The following DYNC2H1 variants were observed in gnomAD, a reference collection of about 807,000 sequenced individuals.
DYNC2H1 encodes dynein cytoplasmic 2 heavy chain 1.
Under a neutral mutation model 570.0 loss-of-function variants are expected in DYNC2H1, and 410 were observed. The ratio of observed to expected loss-of-function variants is 0.72; its 90% CI spans 0.66 to 0.78. DYNC2H1 has a LOEUF of 0.78. Ranked by LOEUF, DYNC2H1 falls within the 30% of genes least tolerant of loss-of-function variation. DYNC2H1 has a pLI of 0.00. For synonymous variants in DYNC2H1, 1,688 were observed against 1,677.6 expected (o/e 1.01, Z -0.15); for missense variants, 4,865 against 5,046.4 (o/e 0.96, Z 1.09).
intron 81 of DYNC2H1, among the ~76,000 whole-genome samples, chr11:103,322,359 C>A (rs313396): frequency 0.29 from 44,197 of 151,976 alleles, 7,425 homozygotes; most frequent in Non-Finnish European, 0.37. Flanking sequence ...TGTATACATC[C>A]TAAGTGCACA....
At chr11:103,396,035 A>G (rs1942384519) in intron 83 of DYNC2H1, among the ~76,000 whole-genome samples, 1 of 152,070 alleles carries the variant, frequency 6.6e-6, no homozygotes, top group South Asian at 2.1e-4. Context: ...TGTTATCTTT[A>G]TCTTCCTTAT....
intron 83 of DYNC2H1, among the ~76,000 whole-genome samples, chr11:103,387,093 T>G (rs1416257965): frequency 6.6e-6 from 1 of 152,152 alleles, no homozygotes; most frequent in Non-Finnish European, 1.5e-5. Context: ...TCCACAATGG[T>G]TGAACTAGTT....
chr11:103,247,153 A>T (rs148391596), intron 65 of DYNC2H1, among the ~76,000 whole-genome samples: 2 of 152,006 alleles, frequency 1.3e-5, no homozygotes, highest in African/African-American at 4.8e-5. Flanking sequence ...GTTGGCTAAT[A>T]GTTTTACATT....
intron 59 of DYNC2H1, among the ~76,000 whole-genome samples, chr11:103,230,264 G>T (rs191029130): frequency 6.6e-6 from 1 of 152,158 alleles, no homozygotes; most frequent in Non-Finnish European, 1.5e-5. Flanking sequence ...GTTATTAATC[G>T]TGAGTTTTAG....
intron 70 of DYNC2H1, among the ~76,000 whole-genome samples, chr11:103,279,276 T>C (rs1358887769): frequency 1.3e-5 from 2 of 152,216 alleles, no homozygotes; most frequent in Non-Finnish European, 1.5e-5. Context: ...CTTGTGGCTC[T>C]TATTTAATTT....
At chr11:103,457,375 A>G (rs1255797941) in intron 87 of DYNC2H1, among the ~76,000 whole-genome samples, 4 of 152,146 alleles carry the variant, frequency 2.6e-5, no homozygotes, top group African/African-American at 7.2e-5. Context: ...TTGTAACCAT[A>G]GGAGATGACA....
intron 83 of DYNC2H1, among the ~76,000 whole-genome samples, chr11:103,399,366 G>T (rs190951731): frequency 6.9e-6 from 1 of 144,862 alleles, no homozygotes; most frequent in Admixed American, 7.1e-5. Context: ...GTGTTGGCCA[G>T]ACTGGTCTCA....
At chr11:103,247,280 A>G (rs1436628546) in intron 65 of DYNC2H1, among the ~76,000 whole-genome samples, 1 of 152,056 alleles carries the variant, frequency 6.6e-6, no homozygotes, top group Non-Finnish European at 1.5e-5. Context: ...GATGACAGCT[A>G]AACATTTGTG....
intron 87 of DYNC2H1, among the ~76,000 whole-genome samples, chr11:103,458,468 T>A (rs1220962089): frequency 6.6e-6 from 1 of 152,004 alleles, no homozygotes; most frequent in African/African-American, 2.4e-5. Flanking sequence ...CAAAAAAAAA[T>A]TCAAAATCAA....
At chr11:103,441,797 T>C (rs1944279401) in intron 85 of DYNC2H1, among the ~76,000 whole-genome samples, 1 of 152,182 alleles carries the variant, frequency 6.6e-6, no homozygotes, top group African/African-American at 2.4e-5. Context: ...GTGTTTTATT[T>C]TTCTTAAGAT....
rs545252449 is a variant in DYNC2H1, at chr11:103,197,842, T to C, written c.7709-91T>C. The stretch of plus-strand genomic sequence containing the variant: ...TCTGGAGATGATCTTATTTGGATTA[T>C]TAACTTAAAAATGTTTTAGTAGGCA... On this transcript the variant is annotated intron_variant, in intron 47 of 88. Transcript: ENST00000375735. 41 of 1,372,068 alleles carry C rather than the reference T, an allele frequency of 3.0e-5. No individual in the cohort carries two copies. The African/African-American group carries it at 5.8e-4, about 20-fold the overall frequency. 85.0% of individuals were successfully genotyped at this position (1,372,068 alleles called of 1,614,324 possible). A position where few individuals can be genotyped will look rare whatever the true frequency, so the allele number is the denominator to read the frequency against.
chr11:103,220,444 G>A (rs944615672), intron 56 of DYNC2H1, among the ~76,000 whole-genome samples, 179 bp from the exon 57 acceptor site: 5 of 152,146 alleles, frequency 3.3e-5, no homozygotes, highest in Non-Finnish European at 5.9e-5. Context: ...ACGTCTTACT[G>A]TCTCAAGTTG....
At chr11:103,413,552 T>G (rs1470629675) in intron 84 of DYNC2H1, among the ~76,000 whole-genome samples, 1 of 152,156 alleles carries the variant, frequency 6.6e-6, no homozygotes, top group East Asian at 1.9e-4. Context: ...AGATCAGAGT[T>G]CTTTCCACCT....
At chr11:103,182,469 A>T (rs1296855938) in intron 40 of DYNC2H1, among the ~76,000 whole-genome samples, 1 of 151,842 alleles carries the variant, frequency 6.6e-6, no homozygotes, top group Admixed American at 6.6e-5. Flanking sequence ...ATAATACAAG[A>T]GAGACTTTGA....
chr11:103,153,277 A>G (rs1860654848), intron 21 of DYNC2H1, 26 bp from the exon 22 acceptor site: 1 of 1,501,942 alleles, frequency 6.7e-7, no homozygotes, highest in South Asian at 1.4e-5. Flanking sequence ...TCTGCATTAA[A>G]TTATTTAAAT....
rs1858486966 is a variant in DYNC2H1 at position 103,117,743 on chromosome 11, G to A, written c.879G>A (p.Gln293=). 1 of 1,613,434 alleles carries A rather than the reference G, an allele frequency of 6.2e-7. No homozygotes were observed. The highest frequency in any genetic ancestry group is 8.5e-7 in the Non-Finnish European group (1 of 1,179,608). ...SLKAGISICE[Q]WVIVCNHLTG... Reference sequence around the variant, plus strand: ...AAGCTGGTATTTCAATTTGTGAACAGTGGGTGATAGTCTGTAATCATCTAA... The same window carrying A: ...AAGCTGGTATTTCAATTTGTGAACAATGGGTGATAGTCTGTAATCATCTAA... Residue 293 remains glutamine, a synonymous_variant, in exon 6 of 89, where the codon CAG becomes CAA. Transcript: ENST00000375735.
intron 73 of DYNC2H1, among the ~76,000 whole-genome samples, chr11:103,284,274 A>T (rs1866262179): frequency 6.6e-6 from 1 of 152,150 alleles, no homozygotes. Flanking sequence ...CCTATGCTAT[A>T]TTCAAAATTG....
chr11:103,413,707 A>G (rs1356587626), intron 84 of DYNC2H1, among the ~76,000 whole-genome samples: 2 of 151,930 alleles, frequency 1.3e-5, no homozygotes, highest in Non-Finnish European at 2.9e-5. Context: ...AACTCTGCCT[A>G]CTCCCTCATC....
chr11:103,449,029 G>C (rs1200691579), intron 85 of DYNC2H1, among the ~76,000 whole-genome samples: 1 of 152,114 alleles, frequency 6.6e-6, no homozygotes, highest in Non-Finnish European at 1.5e-5. Flanking sequence ...TAGGAAAGAC[G>C]TTTCTGATAT....
Sources: allele counts gnomAD v4.1 joint callset (sites outside exome capture counted in the v4.1 genomes callset), GRCh38; gene constraint gnomAD v4.1.1; transcripts MANE v1.5; gene names NCBI Gene and HGNC (gene_info 2026-07-23, HGNC 2026-07-21).